The following MARCHF1 variants were observed in gnomAD, a reference collection of about 807,000 sequenced individuals.
MARCHF1 encodes E3 ubiquitin-protein ligase MARCHF1.
Under a neutral mutation model 54.2 loss-of-function variants are expected in MARCHF1, and 40 were observed. That is an observed-to-expected ratio of 0.74 (90% CI 0.57 to 0.96). MARCHF1 has a LOEUF of 0.96. Among genes scored for constraint, MARCHF1 ranks in the 40% least tolerant of loss-of-function variants. The pLI is 0.00. For missense variants in MARCHF1, 586 were observed against 656.5 expected (o/e 0.89, Z 1.17); for synonymous variants, 236 against 236.3 (o/e 1.00, Z 0.01).
chr4:164,013,248 T>C (rs1753462678), intron 2 of MARCHF1, among the ~76,000 whole-genome samples: 1 of 151,942 alleles, frequency 6.6e-6, no homozygotes, highest in African/African-American at 2.4e-5. Flanking sequence ...GAAATACAAT[T>C]GAGAAACATA....
At chr4:163,995,792 G>A (rs142604171) in intron 2 of MARCHF1, among the ~76,000 whole-genome samples, 1 of 152,122 alleles carries the variant, frequency 6.6e-6, no homozygotes, top group Non-Finnish European at 1.5e-5. Flanking sequence ...TGACATCATT[G>A]AAGGCTAGTA....
chr4:164,226,729 A>T (rs1732266230), intron 1 of MARCHF1, among the ~76,000 whole-genome samples: 1 of 152,022 alleles, frequency 6.6e-6, no homozygotes, highest in African/African-American at 2.4e-5. Flanking sequence ...GATACATTGC[A>T]AACAGCCATG....
At chr4:163,929,815 G>A (rs1751615605) in intron 3 of MARCHF1, among the ~76,000 whole-genome samples, 1 of 149,234 alleles carries the variant, frequency 6.7e-6, no homozygotes, top group East Asian at 2.0e-4. Context: ...GATTTCTAGT[G>A]CATGGTTTGT....
chr4:164,210,772 A>G (rs999258441), intron 1 of MARCHF1, among the ~76,000 whole-genome samples: 3 of 152,140 alleles, frequency 2.0e-5, no homozygotes, highest in Admixed American at 6.5e-5. Flanking sequence ...TACATTATTG[A>G]CAATAGCCAA....
At chr4:163,701,078 A>G (rs531774240) in intron 4 of MARCHF1, among the ~76,000 whole-genome samples, 1 of 152,212 alleles carries the variant, frequency 6.6e-6, no homozygotes, top group Non-Finnish European at 1.5e-5. Context: ...AAATGCTTCA[A>G]TTAATATCTG....
intron 2 of MARCHF1, among the ~76,000 whole-genome samples, chr4:164,029,876 T>G (rs921937955): frequency 6.6e-6 from 1 of 152,240 alleles, no homozygotes; most frequent in Admixed American, 6.5e-5. Context: ...ATTACAGGTG[T>G]GAGTCATCAT....
intron 1 of MARCHF1, among the ~76,000 whole-genome samples, chr4:164,123,529 C>T (rs1756115381): frequency 6.6e-6 from 1 of 152,082 alleles, no homozygotes; most frequent in Non-Finnish European, 1.5e-5. Flanking sequence ...CTGGTTTAAT[C>T]ACATTACCTG....
intron 1 of MARCHF1, among the ~76,000 whole-genome samples, chr4:164,203,803 A>T (rs1393230321): frequency 6.6e-6 from 1 of 152,188 alleles, no homozygotes; most frequent in Admixed American, 6.5e-5. Context: ...AGTAGACATC[A>T]TTGTGAAGTA....
chr4:164,096,438 A>G (rs1755414012), intron 2 of MARCHF1, among the ~76,000 whole-genome samples: 1 of 152,072 alleles, frequency 6.6e-6, no homozygotes, highest in African/African-American at 2.4e-5. Flanking sequence ...GGAAGGAGGG[A>G]AAGGGCTGAA....
chr4:163,550,859 C>T (rs972049033), intron 8 of MARCHF1, among the ~76,000 whole-genome samples: 1 of 152,196 alleles, frequency 6.6e-6, no homozygotes, highest in Non-Finnish European at 1.5e-5. Context: ...AATCAGGAAA[C>T]TTGTTAGAAA....
At chr4:163,744,006 G>A (rs1746285575) in intron 4 of MARCHF1, among the ~76,000 whole-genome samples, 1 of 152,142 alleles carries the variant, frequency 6.6e-6, no homozygotes, top group Non-Finnish European at 1.5e-5. Context: ...TGAGAAGTGA[G>A]AAGTACTTCA....
chr4:163,941,277 G>A (rs1247084244), intron 3 of MARCHF1, among the ~76,000 whole-genome samples: 1 of 152,088 alleles, frequency 6.6e-6, no homozygotes, highest in East Asian at 1.9e-4. Flanking sequence ...CTTAGCTGTG[G>A]TTGTCAAGAA....
chr4:164,264,686 G>A (rs6824648), intron 1 of MARCHF1, among the ~76,000 whole-genome samples: 24,246 of 151,858 alleles, frequency 0.16, 2,452 homozygotes, highest in Admixed American at 0.3. Context: ...TTGGGAGGCC[G>A]ATGCTGGTGG....
At chr4:163,752,593 C>T (rs1463934563) in intron 4 of MARCHF1, among the ~76,000 whole-genome samples, 1 of 152,072 alleles carries the variant, frequency 6.6e-6, no homozygotes, top group Non-Finnish European at 1.5e-5. Flanking sequence ...CAAATAGATA[C>T]AGTGTTTGTA....
intron 4 of MARCHF1, among the ~76,000 whole-genome samples, chr4:163,833,859 T>C (rs1304443865): frequency 6.6e-6 from 1 of 152,134 alleles, no homozygotes; most frequent in Admixed American, 6.5e-5. Context: ...CACCCTTGTG[T>C]AACATCAATC....
chr4:164,062,982 T>C (rs564081102), intron 2 of MARCHF1, among the ~76,000 whole-genome samples: 1 of 152,218 alleles, frequency 6.6e-6, no homozygotes, highest in African/African-American at 2.4e-5. Context: ...TGATCAGTAA[T>C]GTTTTAGAAG....
At chr4:163,792,244 A>G (rs1425289685) in intron 4 of MARCHF1, among the ~76,000 whole-genome samples, 1 of 152,200 alleles carries the variant, frequency 6.6e-6, no homozygotes, top group Non-Finnish European at 1.5e-5. Context: ...ACGTTCTTTT[A>G]GTTGAGAGAA....
intron 4 of MARCHF1, among the ~76,000 whole-genome samples, chr4:163,840,515 G>A (rs1452136336): frequency 6.6e-6 from 1 of 152,070 alleles, no homozygotes; most frequent in African/African-American, 2.4e-5. Context: ...GTACCCAATA[G>A]TTTAACCTGA....
intron 1 of MARCHF1, among the ~76,000 whole-genome samples, chr4:164,307,138 A>G (rs1019072607): frequency 3.3e-5 from 5 of 152,178 alleles, no homozygotes; most frequent in African/African-American, 1.2e-4. Flanking sequence ...CTTGCCACCC[A>G]CACCTCATTT....
Sources: allele counts gnomAD v4.1 joint callset (sites outside exome capture counted in the v4.1 genomes callset), GRCh38; gene constraint gnomAD v4.1.1; transcripts MANE v1.5; gene names NCBI Gene and HGNC (gene_info 2026-07-23, HGNC 2026-07-21).